Variants in NRXN3 observed in about 807,000 individuals in gnomAD.
NRXN3 encodes the protein neurexin III.
A neutral mutation model predicts 137.6 loss-of-function variants in NRXN3; 32 were observed. That is an observed-to-expected ratio of 0.23 (90% CI 0.18 to 0.31). The LOEUF (loss-of-function observed/expected upper bound fraction) is 0.31, where lower values mean the gene tolerates loss of function less well. Ranked by LOEUF, NRXN3 falls within the 10% of genes least tolerant of loss-of-function variation. The pLI is 1.00. For missense variants in NRXN3, 1,574 were observed against 2,062.5 expected, an observed-to-expected ratio of 0.76 and a Z score of 4.59; for synonymous variants, 798 against 784.5, an observed-to-expected ratio of 1.02 and a Z score of -0.29.
At chr14:78,372,872 A>G (rs1326766626) in intron 4 of NRXN3, among the ~76,000 whole-genome samples, 1 of 152,208 alleles carries the variant, frequency 6.6e-6, no homozygotes, top group East Asian at 1.9e-4. Context: ...TAAGTATGCT[A>G]TAAAAAATAA....
chr14:78,399,248 C>G (rs946356364), intron 4 of NRXN3, among the ~76,000 whole-genome samples: 1 of 151,774 alleles, frequency 6.6e-6, no homozygotes. Context: ...ATAAAAACAA[C>G]CATATACATA....
At chr14:79,220,771 A>G (rs1420917912) in intron 15 of NRXN3, among the ~76,000 whole-genome samples, 1 of 151,888 alleles carries the variant, frequency 6.6e-6, no homozygotes, top group Non-Finnish European at 1.5e-5. Flanking sequence ...ATTTTTTATT[A>G]TACTTTAAGT....
chr14:79,411,981 A>T (rs1051826307), intron 15 of NRXN3, among the ~76,000 whole-genome samples: 3 of 152,114 alleles, frequency 2.0e-5, no homozygotes, highest in African/African-American at 2.4e-5. Context: ...GATTGATTTT[A>T]TCTGTGACTC....
intron 4 of NRXN3, among the ~76,000 whole-genome samples, chr14:78,619,183 A>C (rs896787608): frequency 1.3e-5 from 2 of 152,232 alleles, no homozygotes; most frequent in African/African-American, 2.4e-5. Context: ...TAGAGAAATC[A>C]AAAGCCACTG....
chr14:78,394,721 A>C (rs2091236070), intron 4 of NRXN3, among the ~76,000 whole-genome samples: 1 of 151,832 alleles, frequency 6.6e-6, no homozygotes, highest in Non-Finnish European at 1.5e-5. Context: ...AAGTATTTTA[A>C]TTATAGATTT....
chr14:79,648,753 A>C (rs986557650), intron 16 of NRXN3, among the ~76,000 whole-genome samples: 12 of 152,090 alleles, frequency 7.9e-5, no homozygotes, highest in Non-Finnish European at 1.5e-4. Context: ...TGACTACTCA[A>C]GTTTTAGATG....
chr14:78,874,276 G>C (rs2099108447), intron 10 of NRXN3, among the ~76,000 whole-genome samples: 1 of 152,072 alleles, frequency 6.6e-6, no homozygotes, highest in Non-Finnish European at 1.5e-5. Flanking sequence ...CTGGCATGAA[G>C]TGATTTTCAA....
intron 4 of NRXN3, among the ~76,000 whole-genome samples, chr14:78,509,342 T>C (rs1273051276): frequency 6.6e-6 from 1 of 152,092 alleles, no homozygotes; most frequent in Non-Finnish European, 1.5e-5. Context: ...TGAGTTCTCA[T>C]CTACTGGAAA....
At chr14:79,187,030 C>T (rs1162652365) in intron 15 of NRXN3, among the ~76,000 whole-genome samples, 2 of 152,144 alleles carry the variant, frequency 1.3e-5, no homozygotes, top group African/African-American at 2.4e-5. Context: ...TCCTTCCAAT[C>T]GAGTTTCCTT....
At chr14:78,268,203 T>A (rs2072112492) in intron 2 of NRXN3, among the ~76,000 whole-genome samples, 1 of 152,196 alleles carries the variant, frequency 6.6e-6, no homozygotes, top group African/African-American at 2.4e-5. Context: ...ATGGATGAAA[T>A]CTTCTGAAGA....
chr14:79,311,776 T>A (rs1378106404), intron 15 of NRXN3, among the ~76,000 whole-genome samples: 1 of 26,426 alleles, frequency 3.8e-5, no homozygotes, highest in Non-Finnish European at 6.4e-5. Flanking sequence ...GGATCGGTGG[T>A]GATATCCCCT....
intron 19 of NRXN3, among the ~76,000 whole-genome samples, chr14:79,751,848 G>C (rs1481851620): frequency 1.3e-5 from 2 of 151,470 alleles, no homozygotes; most frequent in South Asian, 2.1e-4. Flanking sequence ...TTTTGTCTTT[G>C]GTTCTGTTTA....
At chr14:79,469,012 A>C (rs1388360513) in intron 16 of NRXN3, among the ~76,000 whole-genome samples, 1 of 152,210 alleles carries the variant, frequency 6.6e-6, no homozygotes, top group Non-Finnish European at 1.5e-5. Context: ...GGCCTCTAAG[A>C]ACCACCATAA....
intron 19 of NRXN3, among the ~76,000 whole-genome samples, chr14:79,798,074 C>G (rs777018787): frequency 8.6e-5 from 13 of 151,238 alleles, no homozygotes; most frequent in Non-Finnish European, 1.5e-4. Context: ...GCACTCCAGC[C>G]TAGGTGACTG....
intron 8 of NRXN3, among the ~76,000 whole-genome samples, chr14:78,773,967 A>G (rs1158730220): frequency 6.6e-6 from 1 of 151,918 alleles, no homozygotes; most frequent in Non-Finnish European, 1.5e-5. Context: ...ACACCCAACT[A>G]ATTTTTGTAT....
intron 4 of NRXN3, among the ~76,000 whole-genome samples, chr14:78,384,416 C>T (rs2089628796): frequency 6.6e-6 from 1 of 152,134 alleles, no homozygotes; most frequent in African/African-American, 2.4e-5. Context: ...CTAAGCTCTG[C>T]ATTAATTAGC....
At chr14:79,484,059 T>G (rs2096633179) in intron 16 of NRXN3, among the ~76,000 whole-genome samples, 1 of 152,168 alleles carries the variant, frequency 6.6e-6, no homozygotes, top group African/African-American at 2.4e-5. Context: ...TTGTTCCCAT[T>G]GAGCCAGCTC....
intron 15 of NRXN3, among the ~76,000 whole-genome samples, chr14:79,428,555 T>C (rs993379247): frequency 2.0e-5 from 3 of 152,114 alleles, no homozygotes; most frequent in Admixed American, 2.0e-4. Flanking sequence ...GGTATATTCA[T>C]ACTGCATGTG....
intron 15 of NRXN3, among the ~76,000 whole-genome samples, chr14:79,418,903 C>T (rs1346546465): frequency 6.6e-6 from 1 of 152,120 alleles, no homozygotes; most frequent in Non-Finnish European, 1.5e-5. Flanking sequence ...TTTCACACTG[C>T]CGTCTGGGAA....
Sources: allele counts gnomAD v4.1 joint callset (sites outside exome capture counted in the v4.1 genomes callset), GRCh38; gene constraint gnomAD v4.1.1; transcripts MANE v1.5; gene names NCBI Gene and HGNC (gene_info 2026-07-23, HGNC 2026-07-21).